LMNB1: variants seen among roughly 807,000 people sequenced by gnomAD.
The protein encoded by LMNB1 is lamin B1, also known as lamin-B1.
Under a neutral mutation model 67.1 loss-of-function variants are expected in LMNB1, and 23 were observed. The ratio of observed to expected loss-of-function variants is 0.34; its 90% CI spans 0.25 to 0.49. LMNB1 has a LOEUF of 0.49. LMNB1 is among the 20% of genes least tolerant of loss of function. The pLI is 0.99. For missense variants in LMNB1, 634 were observed against 746.5 expected, an observed-to-expected ratio of 0.85 and a Z score of 1.76; for synonymous variants, 281 against 282.9, an observed-to-expected ratio of 0.99 and a Z score of 0.07.
intron 1 of LMNB1, among the ~76,000 whole-genome samples, chr5:126,795,952 G>A (rs1263285164): frequency 6.5e-5 from 1 of 15,416 alleles, no homozygotes; most frequent in Non-Finnish European, 1.9e-4. Context: ...TTTTTTTTGA[G>A]ACGGAGTTTC....
At position 126,777,529 on chromosome 5, in the gene LMNB1, G is replaced by T. The variant is rs572729389; in HGVS notation, c.21G>T (p.Val7=). 14 of 1,393,882 alleles carry T rather than the reference G, an allele frequency of 1.0e-5. No homozygotes were observed. Among genetic ancestry groups the T allele is most frequent in the Middle Eastern group, 2.5e-4 (1 of 3,990 alleles). 86.3% of individuals were successfully genotyped at this position (1,393,882 alleles called of 1,614,324 possible). MATATP[V]PPRMGSRAGG... is the part of the protein sequence containing the mutation. The stretch of plus-strand genomic sequence containing the variant: ...CCGCCATGGCGACTGCGACCCCCGT[G>T]CCGCCGCGGATGGGCAGCCGCGCTG... The change falls in exon 1 of 11, where the codon GTG becomes GTT. Residue 7 remains valine, a synonymous_variant. Transcript: ENST00000261366.
chr5:126,811,947 C>A, intron 5 of LMNB1, 49 bp downstream of exon 5: 1 of 1,569,828 alleles, frequency 6.4e-7, no homozygotes, highest in South Asian at 1.1e-5. Context: ...GCTACCTTCA[C>A]CACGGGCACC....
chr5:126,782,366 G>C (rs1750653193), intron 1 of LMNB1, among the ~76,000 whole-genome samples: 1 of 152,168 alleles, frequency 6.6e-6, no homozygotes, highest in Non-Finnish European at 1.5e-5. Flanking sequence ...GATAGAGTTA[G>C]GGTAGATAGA....
At chr5:126,819,735 G>A (rs1359720229) in intron 6 of LMNB1, among the ~76,000 whole-genome samples, 4 of 150,834 alleles carry the variant, frequency 2.7e-5, no homozygotes, top group Non-Finnish European at 5.9e-5. Context: ...TGACCCACCC[G>A]CCTCAGCCTC....
At position 126,820,916 on chromosome 5, in the gene LMNB1, G is replaced by A. The variant is rs1199985528; in HGVS notation, c.1167G>A (p.Lys389=). Residue 389 remains lysine (K), a synonymous_variant, in exon 7 of 11, where the codon AAG becomes AAA. Coordinates refer to ENST00000261366, the MANE Select transcript of LMNB1 (RefSeq NM_005573.4). ...KLLEGEEERL[K]LSPSPSSRVT... The stretch of plus-strand genomic sequence containing the variant: ...TTTTATTTTTCCCATATAGGTTGAA[G>A]CTGTCTCCAAGCCCTTCTTCCCGTG... 6.2e-7 allele frequency: 1 copy of A among 1,612,046 alleles called. No individual in the cohort carries two copies. The highest frequency in any genetic ancestry group is 1.3e-5 in the African/African-American group (1 of 74,776).
chr5:126,814,871 G>T (rs1042783474), intron 5 of LMNB1, among the ~76,000 whole-genome samples: 1 of 152,144 alleles, frequency 6.6e-6, no homozygotes, highest in African/African-American at 2.4e-5. Flanking sequence ...ACTGTGCCTG[G>T]CTGCAAGTTT....
chr5:126,817,424 C>T (rs771368551), intron 5 of LMNB1, among the ~76,000 whole-genome samples: 1 of 152,110 alleles, frequency 6.6e-6, no homozygotes, highest in Non-Finnish European at 1.5e-5. Flanking sequence ...GCTTCTTGGC[C>T]CTCTCACCGA....
chr5:126,781,983 G>A (rs1580521770), intron 1 of LMNB1, among the ~76,000 whole-genome samples: 2 of 152,234 alleles, frequency 1.3e-5, no homozygotes, highest in South Asian at 4.1e-4. Flanking sequence ...CATATGTAAG[G>A]TACAGTTACT....
rs375716019 is a variant in LMNB1 at position 126,834,733 on chromosome 5, G to A, written c.1720-1490G>A. ...CTACTAAAAATACAAAAAATTAGCCGGGCGTGGTGGCGGGAGCCTGTAGTC... is the reference window on the plus strand; with the variant it reads ...CTACTAAAAATACAAAAAATTAGCCAGGCGTGGTGGCGGGAGCCTGTAGTC... On this transcript the variant is annotated intron_variant, in intron 10 of 10. Coordinates refer to ENST00000261366, the MANE Select transcript of LMNB1 (RefSeq NM_005573.4). Among the ~76,000 whole-genome samples the A allele has an allele frequency of 3.2e-3, 483 of 152,226 alleles. 3 individuals are homozygous for A. The highest frequency in any genetic ancestry group is 0.01 in the South Asian group (50 of 4,818).
chr5:126,818,921 G>C lies in LMNB1; in HGVS notation c.940-1G>C. On this transcript the variant is annotated splice_acceptor_variant, in intron 5 of 10. Coordinates refer to ENST00000261366, the MANE Select transcript of LMNB1 (RefSeq NM_005573.4). LOFTEE classifies it high-confidence loss of function. ...GTAAATATGTTTCCTTGCATCTTAA[G>C]TCTAGAGCATGTTTGGAAAGGATTC... 1 of 1,607,616 alleles carries C rather than the reference G, an allele frequency of 6.2e-7. No homozygotes were observed. The highest frequency in any genetic ancestry group is 1.1e-5 in the South Asian group (1 of 90,930).
upstream of LMNB1, chr5:126,776,783 C>T (rs1273165056): frequency 6.6e-6 from 1 of 152,318 alleles, no homozygotes; most frequent in Non-Finnish European, 1.5e-5. Flanking sequence ...CCGCCTTTCT[C>T]AGGCCCGGCC....
intron 5 of LMNB1, among the ~76,000 whole-genome samples, chr5:126,813,701 G>A (rs1256740613): frequency 6.6e-6 from 1 of 152,162 alleles, no homozygotes; most frequent in Non-Finnish European, 1.5e-5. Flanking sequence ...TCCTCACATG[G>A]TTAAAGGGTG....
intron 3 of LMNB1, among the ~76,000 whole-genome samples, chr5:126,808,756 T>G (rs1050646225): frequency 6.6e-6 from 1 of 152,200 alleles, no homozygotes; most frequent in African/African-American, 2.4e-5. Flanking sequence ...TGCTCCTGTG[T>G]AGTAGTTAAG....
At chr5:126,815,992 T>G (rs903138889) in intron 5 of LMNB1, among the ~76,000 whole-genome samples, 2 of 152,168 alleles carry the variant, frequency 1.3e-5, no homozygotes, top group Non-Finnish European at 2.9e-5. Context: ...CTTGGGTAGT[T>G]TATATCTCTC....
intron 1 of LMNB1, among the ~76,000 whole-genome samples, chr5:126,798,937 A>G (rs1368813342): frequency 2.6e-5 from 4 of 152,142 alleles, no homozygotes; most frequent in African/African-American, 7.2e-5. Flanking sequence ...TGTATGATCA[A>G]TGCACTGTAA....
chr5:126,834,212 CTT>C (rs545249724), intron 10 of LMNB1, among the ~76,000 whole-genome samples: 3 of 145,184 alleles, frequency 2.1e-5, no homozygotes, highest in Admixed American at 1.4e-4. Flanking sequence ...TTTCTTTTTT[CTT>C]TTTTTTTTTT....
intron 1 of LMNB1, among the ~76,000 whole-genome samples, chr5:126,798,085 G>A (rs536082415): frequency 3.3e-5 from 5 of 152,158 alleles, no homozygotes; most frequent in Admixed American, 6.6e-5. Flanking sequence ...GCAGTGAGCC[G>A]TGATTGTGCC....
chr5:126,795,744 C>A (rs772305670), intron 1 of LMNB1, among the ~76,000 whole-genome samples: 1 of 151,828 alleles, frequency 6.6e-6, no homozygotes, highest in African/African-American at 2.4e-5. Flanking sequence ...CCTGCCTCAG[C>A]CTCCCGAGTA....
At chr5:126,816,400 A>C (rs1383388783) in intron 5 of LMNB1, among the ~76,000 whole-genome samples, 2 of 152,214 alleles carry the variant, frequency 1.3e-5, no homozygotes, top group South Asian at 4.2e-4. Context: ...GTGACTCTTG[A>C]TTATTTTTTA....
Sources: gnomAD v4.1 joint callset for allele counts (sites outside exome capture counted in the v4.1 genomes callset) on GRCh38, gnomAD v4.1.1 for gene constraint, MANE v1.5 for transcripts, NCBI Gene and HGNC (gene_info 2026-07-23, HGNC 2026-07-21) for gene names.